Variants in RPAP2 observed in about 807,000 individuals in gnomAD.
RPAP2 encodes the protein putative RNA polymerase II subunit B1 CTD phosphatase RPAP2.
In RPAP2, 52 loss-of-function variants were observed where a neutral mutation model predicts 73.1. The observed-to-expected ratio is 0.71, with a 90% CI of 0.57 to 0.90. The LOEUF is 0.90. RPAP2 is among the 40% of genes least tolerant of loss of function. The pLI, the probability that RPAP2 is intolerant of heterozygous loss-of-function variation, is 0.00. For synonymous variants in RPAP2, 225 were observed against 242.1 expected (o/e 0.93, Z 0.65); for missense variants, 598 against 701.8 (o/e 0.85, Z 1.67).
At chr1:92,303,919 CT>C in intron 3 of RPAP2, 57 bp from the exon 4 acceptor site, 5 of 1,145,194 alleles carry the variant, frequency 4.4e-6, no homozygotes, top group Non-Finnish European at 6.5e-6. Context: ...GCTTAGAGAG[CT>C]GATAAATGAA....
chr1:92,387,280 T>A lies in RPAP2; in HGVS notation c.*269T>A, dbSNP rs41313389. 0.027 allele frequency: 7,353 copies of A among 276,428 alleles called. 334 individuals are homozygous for A. Among genetic ancestry groups the A allele is most frequent in the African/African-American group, 0.12 (5,461 of 45,682 alleles). 17.1% of individuals were successfully genotyped at this position (276,428 alleles called of 1,614,324 possible). On this transcript the variant is annotated 3_prime_UTR_variant, in exon 13 of 13. Coordinates refer to ENST00000610020, the MANE Select transcript of RPAP2 (RefSeq NM_024813.3). ...CATAGTATTTTTATTCGAAAATGAA[T>A]GTTTAAGTATTAAATTGAAACTTGA...
At chr1:92,372,399 C>T (rs188077833) in intron 11 of RPAP2, among the ~76,000 whole-genome samples, 1 of 152,264 alleles carries the variant, frequency 6.6e-6, no homozygotes, top group Admixed American at 6.5e-5. Flanking sequence ...CATGCTTAGC[C>T]AGTCGTAGGG....
intron 11 of RPAP2, among the ~76,000 whole-genome samples, chr1:92,376,348 G>C (rs1236712228): frequency 6.6e-6 from 1 of 152,062 alleles, no homozygotes; most frequent in African/African-American, 2.4e-5. Flanking sequence ...GACTGGTGGG[G>C]GAGGAGTCTT....
chr1:92,303,257 C>T (rs1650987731), intron 3 of RPAP2, among the ~76,000 whole-genome samples: 1 of 152,120 alleles, frequency 6.6e-6, no homozygotes, highest in African/African-American at 2.4e-5. Flanking sequence ...TCAGAATCTG[C>T]ATATTTGATG....
intron 12 of RPAP2, among the ~76,000 whole-genome samples, chr1:92,383,321 T>C (rs1023255508): frequency 2.0e-5 from 3 of 152,218 alleles, no homozygotes; most frequent in African/African-American, 7.2e-5. Flanking sequence ...CATTGGTAGC[T>C]TTATGGGGAT....
chr1:92,343,423 G>C (rs1157280370), intron 10 of RPAP2, among the ~76,000 whole-genome samples: 1 of 152,116 alleles, frequency 6.6e-6, no homozygotes, highest in Non-Finnish European at 1.5e-5. Context: ...GACAGATCTG[G>C]ATATTAAACC....
At position 92,395,479 on chromosome 1, in the gene RPAP2, T is replaced by A. The variant is rs1245700260; in HGVS notation, c.*8468T>A. 6.6e-6 allele frequency: 1 copy of A among 151,198 alleles called. No individual in the cohort carries two copies. The highest frequency in any genetic ancestry group is 1.5e-5 in the Non-Finnish European group (1 of 67,848). The allele number at this position is 151,198 out of a possible 1,614,324, so 9.4% of individuals were successfully genotyped here. A position where few individuals can be genotyped will look rare whatever the true frequency, so the allele number is the denominator to read the frequency against. ...AGCAAAATGCCATCTCCACAAAAAA[T>A]ACAAAAATTAACCAGGCATGGTGGC... On this transcript the variant is annotated 3_prime_UTR_variant, in exon 13 of 13. Coordinates refer to ENST00000610020, the MANE Select transcript of RPAP2 (RefSeq NM_024813.3).
At chr1:92,381,244 A>G (rs1243271514) in intron 12 of RPAP2, among the ~76,000 whole-genome samples, 1 of 152,170 alleles carries the variant, frequency 6.6e-6, no homozygotes, top group Non-Finnish European at 1.5e-5. Context: ...CATTGTGAAC[A>G]TCCTCATCCT....
chr1:92,362,091 T>C (rs2101387830), intron 11 of RPAP2, among the ~76,000 whole-genome samples: 1 of 152,346 alleles, frequency 6.6e-6, no homozygotes, highest in East Asian at 1.9e-4. Context: ...CTAGTTTTAC[T>C]GAATGTATTT....
In RPAP2 at chr1:92,318,087, A is replaced by T. The variant is rs1571046352; in HGVS notation, c.489-2512A>T. Reference sequence around the variant, plus strand: ...TTCTTCTGAGTTGGCAGACCCTCTTACTTTTGTTTTCTTGAGCTCTACAGT... The same window carrying T: ...TTCTTCTGAGTTGGCAGACCCTCTTTCTTTTGTTTTCTTGAGCTCTACAGT... On this transcript the variant is annotated intron_variant, in intron 6 of 12. Coordinates refer to ENST00000610020, the MANE Select transcript of RPAP2 (RefSeq NM_024813.3). 2.0e-5 allele frequency among the ~76,000 whole-genome samples: 3 copies of T among 151,970 alleles called. No homozygotes were observed. In the East Asian group the frequency reaches 5.8e-4, roughly 29 times the overall value.
rs1179776294 is a variant in RPAP2 at position 92,307,165 on chromosome 1, TAGATTTATA to T, written c.400-21_400-13del. ...TAATGTTTCATGATAAGAAAAAAACTAGATTTATAATGTTCTTTTCAGTCTTTTTGCAGC... is the reference window on the plus strand; with the variant it reads ...TAATGTTTCATGATAAGAAAAAAACTATGTTCTTTTCAGTCTTTTTGCAGC... On this transcript the variant is annotated splice_polypyrimidine_tract_variant and intron_variant, in intron 5 of 12. Transcript: ENST00000610020. 1.3e-6 allele frequency: 2 copies of T among 1,529,732 alleles called. No individual in the cohort carries two copies. The highest frequency in any genetic ancestry group is 1.1e-5 in the South Asian group (1 of 87,068). The allele number at this position is 1,529,732 out of a possible 1,614,324, so 94.8% of individuals were successfully genotyped here. A position where few individuals can be genotyped will look rare whatever the true frequency, so the allele number is the denominator to read the frequency against.
At position 92,396,242 on chromosome 1, in the gene RPAP2, T is replaced by C. The variant is rs1656179953; in HGVS notation, c.*9231T>C. 6.6e-6 allele frequency: 1 copy of C among 151,734 alleles called. No individual in the cohort carries two copies. The highest frequency in any genetic ancestry group is 1.5e-5 in the Non-Finnish European group (1 of 67,968). 9.4% of individuals were successfully genotyped at this position (151,734 alleles called of 1,614,324 possible). A position where few individuals can be genotyped will look rare whatever the true frequency, so the allele number is the denominator to read the frequency against. ...AGAGATGAGGCCTCACTATGTTGCA[T>C]ACTCTGAAGTCAAACTCCTGGGCTC... On this transcript the variant is annotated 3_prime_UTR_variant, in exon 13 of 13. Coordinates refer to ENST00000610020, the MANE Select transcript of RPAP2 (RefSeq NM_024813.3).
At chr1:92,312,437 A>C (rs1394629995) in intron 6 of RPAP2, among the ~76,000 whole-genome samples, 1 of 151,886 alleles carries the variant, frequency 6.6e-6, no homozygotes, top group Non-Finnish European at 1.5e-5. Context: ...AAAAAAATTG[A>C]AGTCAGTCCT....
rs1656084680 is a variant in RPAP2, at chr1:92,392,655, TCTC to T, written c.*5647_*5649del. ...AAAACCCCATCGTCTCATCCCAAAA[TCTC>T]CTTAAGCTGATAAGCAACTTCAGCA... On this transcript the variant is annotated 3_prime_UTR_variant, in exon 13 of 13. Transcript: ENST00000610020. The T allele has an allele frequency of 1.3e-5, 2 of 152,126 alleles. No homozygotes were observed. Among genetic ancestry groups the T allele is most frequent in the South Asian group, 2.1e-4 (1 of 4,830 alleles). The allele number at this position is 152,126 out of a possible 1,614,324, so 9.4% of individuals were successfully genotyped here.
chr1:92,321,588 A>G (rs983525318), intron 7 of RPAP2, among the ~76,000 whole-genome samples: 5 of 151,954 alleles, frequency 3.3e-5, no homozygotes, highest in Non-Finnish European at 5.9e-5. Flanking sequence ...GTTTGTTTCA[A>G]GTTTGTATTG....
intron 7 of RPAP2, among the ~76,000 whole-genome samples, chr1:92,322,582 A>T (rs1652343263): frequency 6.6e-6 from 1 of 151,476 alleles, no homozygotes; most frequent in Non-Finnish European, 1.5e-5. Flanking sequence ...AAAATAAAAA[A>T]TAAAAAGCTC....
chr1:92,336,338 A>C lies in RPAP2; in HGVS notation c.1539-9A>C, dbSNP rs369732056. On this transcript the variant is annotated splice_polypyrimidine_tract_variant and intron_variant, in intron 9 of 12. Coordinates refer to ENST00000610020, the MANE Select transcript of RPAP2 (RefSeq NM_024813.3). ...TGTTTTAAAATAAATGTAATTTTTA[A>C]ATTTTCAGGTTGCCTGGGCTTCTGG... 1.6e-5 allele frequency: 25 copies of C among 1,595,056 alleles called. No individual in the cohort carries two copies. In the African/African-American group the frequency reaches 3.2e-4, roughly 21 times the overall value.
At chr1:92,357,561 A>C (rs191921472) in intron 11 of RPAP2, among the ~76,000 whole-genome samples, 1 of 152,258 alleles carries the variant, frequency 6.6e-6, no homozygotes, top group East Asian at 1.9e-4. Flanking sequence ...TTTCAGACAC[A>C]GTCTCTGTTG....
intron 6 of RPAP2, among the ~76,000 whole-genome samples, chr1:92,307,927 T>C (rs1262612609): frequency 6.6e-6 from 1 of 152,198 alleles, no homozygotes. Flanking sequence ...AATGAAATGC[T>C]TAATGAGATA....
Sources: allele counts gnomAD v4.1 joint callset (sites outside exome capture counted in the v4.1 genomes callset), GRCh38; gene constraint gnomAD v4.1.1; transcripts MANE v1.5; gene names NCBI Gene and HGNC (gene_info 2026-07-23, HGNC 2026-07-21).